KIF26A: variants seen among roughly 807,000 people sequenced by gnomAD.
KIF26A encodes the protein kinesin-like protein KIF26A.
KIF26A carries 74 observed loss-of-function variants against 126.0 expected under a neutral mutation model. That is an observed-to-expected ratio of 0.59 (90% CI 0.49 to 0.71). KIF26A has a LOEUF of 0.71. Among genes scored for constraint, KIF26A ranks in the 30% least tolerant of loss-of-function variants. The pLI is 0.00. For synonymous variants in KIF26A, 1,445 were observed against 1,232.7 expected (o/e 1.17, Z -3.61); for missense variants, 2,984 against 2,763.3 (o/e 1.08, Z -1.79).
At position 104,177,374 on chromosome 14, in the gene KIF26A, G is replaced by A. The variant is rs746912577; in HGVS notation, c.4586G>A (p.Gly1529Asp). Residue 1529 changes from glycine to aspartate, a missense_variant, in exon 12 of 15, where the codon GGC becomes GAC. Gly to Asp is a moderately conservative substitution (Grantham distance 94). Coordinates refer to ENST00000423312, the MANE Select transcript of KIF26A (RefSeq NM_015656.2). ...TASVTGRSPG[G>D]PVAGPRAAPR... ...TCTGTGACGGGCAGGAGCCCTGGCG[G>A]CCCTGTGGCCGGTCCCAGAGCAGCC... 6.7e-7 allele frequency: 1 copy of A among 1,484,522 alleles called. No homozygotes were observed. Among genetic ancestry groups the A allele is most frequent in the Middle Eastern group, 1.8e-4 (1 of 5,678 alleles). The allele number at this position is 1,484,522 out of a possible 1,614,324, so 92.0% of individuals were successfully genotyped here.
At chr14:104,142,423 C>CGGCCCCCTGT (rs2141087941) in intron 2 of KIF26A, among the ~76,000 whole-genome samples, 1 of 130,848 alleles carries the variant, frequency 7.6e-6, no homozygotes, top group African/African-American at 2.7e-5. Flanking sequence ...TGGCCTGGAG[C>CGGCCCCCTGT]GGCCCCCTGT....
intron 2 of KIF26A, among the ~76,000 whole-genome samples, chr14:104,146,829 G>A (rs1054220289): frequency 1.3e-5 from 2 of 152,246 alleles, no homozygotes; most frequent in South Asian, 2.1e-4. Flanking sequence ...CGTGGAGACC[G>A]CCACGGGGCA....
rs755298295 is a variant in KIF26A, at chr14:104,177,150, C to T, written c.4362C>T (p.Ala1454=). Residue 1454 remains alanine (A), a synonymous_variant, in exon 12 of 15, where the codon GCC becomes GCT. Coordinates refer to ENST00000423312, the MANE Select transcript of KIF26A (RefSeq NM_015656.2). The part of the protein sequence containing the change: ...LAHSSSKGRE[A]PGRPPRAVPK... Reference sequence around the variant, plus strand: ...ACAGCAGCAGCAAGGGCCGGGAAGCCCCTGGGCGGCCTCCCCGGGCTGTAC... The same window carrying T: ...ACAGCAGCAGCAAGGGCCGGGAAGCTCCTGGGCGGCCTCCCCGGGCTGTAC... 31 of 1,597,534 alleles carry T rather than the reference C, an allele frequency of 1.9e-5. No homozygotes were observed. In the East Asian group the frequency reaches 5.6e-4, roughly 29 times the overall value.
In KIF26A at chr14:104,177,777, G is replaced by A. The variant is rs1205069982; in HGVS notation, c.4989G>A (p.Leu1663=). Residue 1663 remains leucine (L), a synonymous_variant, in exon 12 of 15, where the codon CTG becomes CTA. Coordinates refer to ENST00000423312, the MANE Select transcript of KIF26A (RefSeq NM_015656.2). ...HSGGSSGYES[L]RRDSEATGSA... is the part of the protein sequence containing the mutation. ...GTGGCAGCAGTGGCTATGAGAGCCT[G>A]CGGCGCGACAGCGAGGCCACCGGCA... 6.5e-7 allele frequency: 1 copy of A among 1,549,504 alleles called. No homozygotes were observed. The highest frequency in any genetic ancestry group is 1.4e-5 in the African/African-American group (1 of 73,558).
chr14:104,143,696 G>T (rs2141088897), intron 2 of KIF26A, among the ~76,000 whole-genome samples: 2 of 152,344 alleles, frequency 1.3e-5, no homozygotes, highest in African/African-American at 4.8e-5. Context: ...CAGAGCCCCT[G>T]GGCCCCCAGA....
At chr14:104,149,511 C>T (rs1479260334) in intron 2 of KIF26A, among the ~76,000 whole-genome samples, 1 of 152,090 alleles carries the variant, frequency 6.6e-6, no homozygotes, top group African/African-American at 2.4e-5. Context: ...CACTGGCCCC[C>T]AACACCTGGG....
intron 3 of KIF26A, among the ~76,000 whole-genome samples, chr14:104,154,868 A>G (rs957402707): frequency 3.9e-5 from 6 of 152,156 alleles, no homozygotes; most frequent in Non-Finnish European, 1.5e-5. Context: ...GGGTGCCTCC[A>G]TACATGGAGA....
intron 2 of KIF26A, among the ~76,000 whole-genome samples, chr14:104,150,615 C>A (rs1438253409): frequency 6.6e-6 from 1 of 152,170 alleles, no homozygotes. Flanking sequence ...TAAGACACCC[C>A]CTCCCCGGGA....
In KIF26A at chr14:104,151,546, C is replaced by T. The variant is rs953549070; in HGVS notation, c.289-469C>T. ...TGATTTGATTTTCCACCTGCCCCACCGGGGCTGGAGACCTGAAGAGGAAGG... is the reference window on the plus strand; with the variant it reads ...TGATTTGATTTTCCACCTGCCCCACTGGGGCTGGAGACCTGAAGAGGAAGG... On this transcript the variant is annotated intron_variant, in intron 2 of 14. Transcript: ENST00000423312. This position sits in a 1 kb window ranked among gnomAD's most constrained non-coding sequence, Gnocchi z 4.9. Among the ~76,000 whole-genome samples, 2 of 152,348 alleles carry T rather than the reference C, an allele frequency of 1.3e-5. No homozygotes were observed. Among genetic ancestry groups the T allele is most frequent in the African/African-American group, 4.8e-5 (2 of 41,572 alleles).
At chr14:104,179,022 C>T (rs2038069722) in intron 13 of KIF26A, among the ~76,000 whole-genome samples, 1 of 152,186 alleles carries the variant, frequency 6.6e-6, no homozygotes, top group East Asian at 1.9e-4. Context: ...CTGGAATTCT[C>T]CCCTGTCGTG....
In KIF26A at chr14:104,176,869, C is replaced by G. The variant is rs773372815; in HGVS notation, c.4081C>G (p.Pro1361Ala). Reference sequence around the variant, plus strand: ...CCTCCCGAGGCCCAGTGGGGCGGCCCCCCCGGCCCCACCCACGCGGAAGTC... The same window carrying G: ...CCTCCCGAGGCCCAGTGGGGCGGCCGCCCCGGCCCCACCCACGCGGAAGTC... ...GFLPRPSGAA[P>A]PAPPTRKSSL... Residue 1361 changes from proline (P) to alanine (A), a missense_variant, in exon 12 of 15, where the codon CCC becomes GCC. Coordinates refer to ENST00000423312, the MANE Select transcript of KIF26A (RefSeq NM_015656.2). The G allele has an allele frequency of 6.5e-7, 1 of 1,542,932 alleles. No individual in the cohort carries two copies. Among genetic ancestry groups the G allele is most frequent in the Non-Finnish European group, 8.7e-7 (1 of 1,145,234 alleles).
intron 3 of KIF26A, among the ~76,000 whole-genome samples, chr14:104,155,467 C>A (rs1171620353): frequency 1.4e-5 from 2 of 138,596 alleles, no homozygotes; most frequent in Non-Finnish European, 3.2e-5. Context: ...CCTCACGCTC[C>A]CCTCTCTCCT....
At chr14:104,165,005 G>C (rs1293099165) in intron 4 of KIF26A, among the ~76,000 whole-genome samples, 2 of 151,514 alleles carry the variant, frequency 1.3e-5, no homozygotes, top group Admixed American at 1.3e-4. Flanking sequence ...ATGCGTGCAC[G>C]TGTCTCTGGG....
At chr14:104,155,132 G>A (rs1012439078) in intron 3 of KIF26A, among the ~76,000 whole-genome samples, 8 of 152,188 alleles carry the variant, frequency 5.3e-5, no homozygotes, top group African/African-American at 1.9e-4. Flanking sequence ...ACAGAGTTCG[G>A]CTCTGAGCCT....
At position 104,179,826 on chromosome 14, in the gene KIF26A, G is replaced by A. The variant is rs370204472; in HGVS notation, c.*36G>A. 561 of 1,486,574 alleles carry A rather than the reference G, an allele frequency of 3.8e-4. 1 individual carries two copies. Among genetic ancestry groups the A allele is most frequent in the Middle Eastern group, 6.1e-4 (3 of 4,880 alleles). 92.1% of individuals were successfully genotyped at this position (1,486,574 alleles called of 1,614,324 possible). On this transcript the variant is annotated 3_prime_UTR_variant, in exon 15 of 15. Coordinates refer to ENST00000423312, the MANE Select transcript of KIF26A (RefSeq NM_015656.2). ...CGGACAAGAGGAGGGGGCGTGCAGC[G>A]GGCTGGAGGACGGGACGTGGGACGG...
rs541026875 is a variant in KIF26A at position 104,149,031 on chromosome 14, C to T, written c.289-2984C>T. On this transcript the variant is annotated intron_variant, in intron 2 of 14. Transcript: ENST00000423312. ...AGCAGCCCTGTGGTTCTGTTCTACC[C>T]GAGCAGTCTGTGCCCTGGCCCCTAT... 1.4e-4 allele frequency among the ~76,000 whole-genome samples: 21 copies of T among 152,324 alleles called. No individual in the cohort carries two copies. The South Asian group carries it at 3.3e-3, about 24-fold the overall frequency.
intron 4 of KIF26A, among the ~76,000 whole-genome samples, chr14:104,165,167 A>G (rs532433418): frequency 9.2e-5 from 13 of 141,320 alleles, no homozygotes; most frequent in Admixed American, 2.8e-4. Flanking sequence ...GTGTATCTCT[A>G]TGCATGTGTC....
At chr14:104,163,296 G>A (rs2037849743) in intron 4 of KIF26A, among the ~76,000 whole-genome samples, 1 of 152,198 alleles carries the variant, frequency 6.6e-6, no homozygotes, top group Non-Finnish European at 1.5e-5. Flanking sequence ...TTTGAGGTTT[G>A]GGTTGTGGCT....
In KIF26A at chr14:104,177,343, A is replaced by G. The variant is rs374523743; in HGVS notation, c.4555A>G (p.Thr1519Ala). Residue 1519 changes from threonine to alanine, a missense_variant, in exon 12 of 15, where the codon ACG becomes GCG. Physicochemically the swap from Thr to Ala is moderately conservative, Grantham distance 58. Coordinates refer to ENST00000423312, the MANE Select transcript of KIF26A (RefSeq NM_015656.2). ...RALGPSVKLS[T>A]ASVTGRSPGG... ...TCTGGGGCCTTCGGTGAAGCTGTCT[A>G]CGGCCTCTGTGACGGGCAGGAGCCC... The G allele has an allele frequency of 3.2e-5, 48 of 1,505,392 alleles. No individual in the cohort carries two copies. The highest frequency in any genetic ancestry group is 2.5e-4 in the African/African-American group (18 of 72,092). The allele number at this position is 1,505,392 out of a possible 1,614,324, so 93.3% of individuals were successfully genotyped here.
Sources: gnomAD v4.1 joint callset for allele counts (sites outside exome capture counted in the v4.1 genomes callset) on GRCh38, gnomAD v4.1.1 for gene constraint, Gnocchi (gnomAD v3.1) non-coding constraint, MANE v1.5 for transcripts, NCBI Gene and HGNC (gene_info 2026-07-23, HGNC 2026-07-21) for gene names.